GRID1: variants seen among roughly 807,000 people sequenced by gnomAD.
The protein encoded by GRID1 is glutamate receptor ionotropic, delta-1.
A neutral mutation model predicts 98.0 loss-of-function variants in GRID1; 28 were observed. The observed-to-expected ratio is 0.29, with a 90% CI of 0.21 to 0.39. The LOEUF (loss-of-function observed/expected upper bound fraction) is 0.39. Among genes scored for constraint, GRID1 ranks in the 10% least tolerant of loss-of-function variants. The pLI is 1.00. For synonymous variants in GRID1, 553 were observed against 538.5 expected, an observed-to-expected ratio of 1.03 and a Z score of -0.37; for missense variants, 1,111 against 1,340.5, an observed-to-expected ratio of 0.83 and a Z score of 2.67.
chr10:85,740,499 G>A (rs1841930092), intron 8 of GRID1, among the ~76,000 whole-genome samples: 1 of 152,104 alleles, frequency 6.6e-6, no homozygotes, highest in Admixed American at 6.5e-5. Flanking sequence ...AAAGTGGCAG[G>A]TGTCTCCCAT....
chr10:86,123,024 G>A (rs988119981), intron 4 of GRID1, among the ~76,000 whole-genome samples: 2 of 152,228 alleles, frequency 1.3e-5, no homozygotes, highest in African/African-American at 4.8e-5. Flanking sequence ...GCTCTGAAAG[G>A]TGCCCAGCTT....
intron 2 of GRID1, among the ~76,000 whole-genome samples, chr10:86,357,324 G>T (rs1463532162): frequency 6.6e-6 from 1 of 152,194 alleles, no homozygotes; most frequent in Admixed American, 6.5e-5. Context: ...CCAGAGGAAG[G>T]GGCTGTCACA....
chr10:85,826,842 G>A (rs1435483467), intron 8 of GRID1, among the ~76,000 whole-genome samples: 1 of 152,194 alleles, frequency 6.6e-6, no homozygotes, highest in East Asian at 1.9e-4. Flanking sequence ...AAGAGTTAGA[G>A]CAGGCAGCCC....
intron 13 of GRID1, among the ~76,000 whole-genome samples, chr10:85,634,109 G>T (rs570225919): frequency 7.2e-4 from 109 of 151,900 alleles, no homozygotes; most frequent in African/African-American, 2.4e-3. Flanking sequence ...AGGCGGAGGT[G>T]GCGGTGAGCC....
intron 4 of GRID1, among the ~76,000 whole-genome samples, chr10:86,115,675 C>T (rs1485947851): frequency 6.6e-6 from 1 of 152,222 alleles, no homozygotes; most frequent in African/African-American, 2.4e-5. Flanking sequence ...AGCCATTCTG[C>T]TAACCCGTGA....
At chr10:86,127,302 C>T (rs1049751584) in intron 4 of GRID1, among the ~76,000 whole-genome samples, 1 of 152,176 alleles carries the variant, frequency 6.6e-6, no homozygotes, top group Non-Finnish European at 1.5e-5. Flanking sequence ...ATCTTAGTGG[C>T]GTACTGGCCA....
intron 6 of GRID1, among the ~76,000 whole-genome samples, chr10:85,866,084 C>A (rs888987437): frequency 6.7e-6 from 1 of 148,836 alleles, no homozygotes; most frequent in African/African-American, 2.5e-5. Flanking sequence ...CTTCAATGAG[C>A]AGGGTCTTGT....
intron 12 of GRID1, among the ~76,000 whole-genome samples, chr10:85,691,993 G>T (rs1564561171): frequency 6.6e-6 from 1 of 151,952 alleles, no homozygotes; most frequent in Admixed American, 6.6e-5. Flanking sequence ...ATCACACTGT[G>T]CAATGAGCTG....
chr10:86,321,055 G>T (rs184045179), intron 2 of GRID1, among the ~76,000 whole-genome samples: 1 of 149,486 alleles, frequency 6.7e-6, no homozygotes, highest in Non-Finnish European at 1.5e-5. Context: ...AGCCAAGATC[G>T]CGCCACTGCA....
chr10:86,306,925 C>G (rs1050087199), intron 2 of GRID1, among the ~76,000 whole-genome samples: 2 of 152,186 alleles, frequency 1.3e-5, no homozygotes, highest in Non-Finnish European at 2.9e-5. Flanking sequence ...TAATCAATAT[C>G]TATAGTTTGG....
intron 5 of GRID1, among the ~76,000 whole-genome samples, chr10:85,893,205 G>A (rs529519216): frequency 7.2e-4 from 110 of 151,986 alleles, no homozygotes; most frequent in Non-Finnish European, 1.4e-3. Flanking sequence ...AAAACTCTCA[G>A]CAAACTAGGA....
chr10:86,144,977 C>T (rs1241628407), intron 3 of GRID1, among the ~76,000 whole-genome samples: 1 of 152,216 alleles, frequency 6.6e-6, no homozygotes, highest in Non-Finnish European at 1.5e-5. Context: ...CCTGCAGGGT[C>T]CCCTGACCCT....
At chr10:86,019,237 C>T (rs990055928) in intron 4 of GRID1, among the ~76,000 whole-genome samples, 1 of 152,258 alleles carries the variant, frequency 6.6e-6, no homozygotes, top group African/African-American at 2.4e-5. Flanking sequence ...GACCCCTGCA[C>T]ACCCGCATCC....
chr10:86,168,004 G>A (rs1845425832), intron 3 of GRID1, among the ~76,000 whole-genome samples: 1 of 152,204 alleles, frequency 6.6e-6, no homozygotes, highest in Non-Finnish European at 1.5e-5. Flanking sequence ...CACTGTGTGT[G>A]GTGAAAACCA....
intron 4 of GRID1, among the ~76,000 whole-genome samples, chr10:86,061,182 C>T (rs534114045): frequency 6.6e-6 from 1 of 152,330 alleles, no homozygotes; most frequent in Non-Finnish European, 1.5e-5. Context: ...GCTCAGGACC[C>T]TCCAATCCAA....
chr10:85,810,861 C>G (rs1490732994), intron 8 of GRID1, among the ~76,000 whole-genome samples: 1 of 152,156 alleles, frequency 6.6e-6, no homozygotes, highest in East Asian at 1.9e-4. Context: ...AGGCATGACT[C>G]ATGTCTCCAG....
chr10:85,872,423 C>T (rs1843287229), intron 5 of GRID1, among the ~76,000 whole-genome samples: 1 of 152,114 alleles, frequency 6.6e-6, no homozygotes, highest in Admixed American at 6.5e-5. Context: ...TCCTAGAAGT[C>T]CTTTGATTAA....
At position 85,619,888 on chromosome 10, in the gene GRID1, T is replaced by A; in HGVS notation, c.2339A>T (p.Tyr780Phe). Residue 780 changes from tyrosine (Y) to phenylalanine (F), a missense_variant, in exon 14 of 16, where the codon TAC becomes TTC. Physicochemically the swap from Tyr to Phe is conservative, Grantham distance 22. This residue lies in a region of GRID1 where 762 missense variants were observed against 869.1 expected (regional missense o/e 0.88). Coordinates refer to ENST00000327946, the MANE Select transcript of GRID1 (RefSeq NM_017551.3). ...CTACCTCTGGGAGAAGAGGTCCCTG[T>A]AGGGGCTGCCATGCTGCAGGGCAAT... ...YGIALQHGSP[Y>F]RDLFSQRILE... 6.2e-7 allele frequency: 1 copy of A among 1,614,096 alleles called. No homozygotes were observed. The highest frequency in any genetic ancestry group is 8.5e-7 in the Non-Finnish European group (1 of 1,179,948).
intron 4 of GRID1, among the ~76,000 whole-genome samples, chr10:85,940,679 G>A (rs1462790747): frequency 6.6e-6 from 1 of 152,210 alleles, no homozygotes; most frequent in African/African-American, 2.4e-5. Context: ...AAATTTAAAG[G>A]GTGCAGGGAG....
Sources: allele counts gnomAD v4.1 joint callset (sites outside exome capture counted in the v4.1 genomes callset), GRCh38; gene constraint gnomAD v4.1.1; regional missense constraint gnomAD v4.1.1; transcripts MANE v1.5; gene names NCBI Gene and HGNC (gene_info 2026-07-23, HGNC 2026-07-21).